The following ST8SIA6 variants were observed in gnomAD, a reference collection of about 807,000 sequenced individuals.
ST8SIA6 encodes the protein alpha-2,8-sialyltransferase 8F.
Under a neutral mutation model 33.6 loss-of-function variants are expected in ST8SIA6, and 39 were observed. That is an observed-to-expected ratio of 1.16 (90% CI 0.90 to 1.52). The LOEUF is 1.52. ST8SIA6 is among the 40% of genes most tolerant of loss of function. The pLI, the probability that ST8SIA6 is intolerant of heterozygous loss-of-function variation, is 0.00. For synonymous variants in ST8SIA6, 172 were observed against 167.2 expected, an observed-to-expected ratio of 1.03 and a Z score of -0.22; for missense variants, 441 against 443.8, an observed-to-expected ratio of 0.99 and a Z score of 0.06.
chr10:17,402,489 T>C (rs1227917679), intron 2 of ST8SIA6, among the ~76,000 whole-genome samples: 1 of 152,218 alleles, frequency 6.6e-6, no homozygotes, highest in Non-Finnish European at 1.5e-5. Context: ...CGTATGTTTA[T>C]TGTGGCACTA....
At chr10:17,361,465 A>T (rs1303257290) in intron 3 of ST8SIA6, among the ~76,000 whole-genome samples, 1 of 151,988 alleles carries the variant, frequency 6.6e-6, no homozygotes, top group Non-Finnish European at 1.5e-5. Context: ...TAACATAAAT[A>T]GTCCTATAGC....
chr10:17,390,442 A>T, intron 3 of ST8SIA6, 89 bp downstream of exon 3: 2 of 1,141,122 alleles, frequency 1.8e-6, no homozygotes, highest in Non-Finnish European at 2.6e-6. Flanking sequence ...ACAGTCTCAT[A>T]TTCCAAATGA....
chr10:17,351,825 CACTT>C (rs1220908550), intron 4 of ST8SIA6, among the ~76,000 whole-genome samples: 2 of 152,066 alleles, frequency 1.3e-5, no homozygotes, highest in African/African-American at 4.8e-5. Flanking sequence ...AGCATGGTCT[CACTT>C]ACATGTGGAA....
intron 2 of ST8SIA6, chr10:17,409,880 A>C (rs1564451153): frequency 1.3e-5 from 2 of 152,536 alleles, no homozygotes; most frequent in Non-Finnish European, 2.9e-5. Flanking sequence ...CATCACAAAC[A>C]AACAAACAAT....
At chr10:17,374,269 TAA>T (rs1319918954) in intron 3 of ST8SIA6, among the ~76,000 whole-genome samples, 6 of 152,160 alleles carry the variant, frequency 3.9e-5, no homozygotes, top group East Asian at 1.9e-4. Flanking sequence ...TCAAATAATT[TAA>T]GAGAGACTAT....
chr10:17,407,535 C>A (rs1851312286), intron 2 of ST8SIA6, among the ~76,000 whole-genome samples: 1 of 152,218 alleles, frequency 6.6e-6, no homozygotes, highest in African/African-American at 2.4e-5. Context: ...TAATTCTTTA[C>A]TCCATAAATA....
intron 2 of ST8SIA6, among the ~76,000 whole-genome samples, chr10:17,394,396 A>C (rs933727114): frequency 5.9e-5 from 9 of 151,696 alleles, no homozygotes; most frequent in African/African-American, 1.9e-4. Flanking sequence ...AAGGAATTTT[A>C]GGAATTTAAT....
At chr10:17,398,952 C>T (rs1850928342) in intron 2 of ST8SIA6, among the ~76,000 whole-genome samples, 1 of 152,162 alleles carries the variant, frequency 6.6e-6, no homozygotes, top group Admixed American at 6.5e-5. Context: ...ACACATACAC[C>T]ATGTAGTTTT....
rs535670883 is a variant in ST8SIA6 at position 17,390,608 on chromosome 10, A to G, written c.213T>C (p.Asn71=). The change falls in exon 3 of 8, where the codon AAT becomes AAC. Residue 71 remains asparagine, a synonymous_variant. Coordinates refer to ENST00000377602, the MANE Select transcript of ST8SIA6 (RefSeq NM_001004470.3). The part of the protein sequence containing the change: ...VPRATNSTYL[N]EKSLQLTEKC... ...TCTCCGTCAGTTGGAGCGACTTCTCATTCAGATATGTGCTGTTTCATGAAA... is the reference window on the plus strand; with the variant it reads ...TCTCCGTCAGTTGGAGCGACTTCTCGTTCAGATATGTGCTGTTTCATGAAA... The G allele has an allele frequency of 2.0e-5, 33 of 1,612,178 alleles. No homozygotes were observed. In the East Asian group the frequency reaches 6.9e-4, roughly 34 times the overall value.
chr10:17,373,475 T>C (rs2131634776), intron 3 of ST8SIA6, among the ~76,000 whole-genome samples: 1 of 152,318 alleles, frequency 6.6e-6, no homozygotes, highest in South Asian at 2.1e-4. Context: ...CAACCTGCTC[T>C]TCCTCTCTTT....
intron 7 of ST8SIA6, 51 bp downstream of exon 7, chr10:17,323,014 T>A (rs7085735): frequency 0.34 from 506,528 of 1,505,872 alleles, 92,048 homozygotes; most frequent in African/African-American, 0.65. Flanking sequence ...AGAAACATGT[T>A]GAACAATGAA....
intron 4 of ST8SIA6, among the ~76,000 whole-genome samples, chr10:17,359,037 C>T (rs1041257721): frequency 2.0e-5 from 3 of 152,166 alleles, no homozygotes; most frequent in African/African-American, 7.2e-5. Flanking sequence ...CAGTTGACAC[C>T]TCCTTCCTGG....
chr10:17,402,177 A>T (rs1252738015), intron 2 of ST8SIA6, among the ~76,000 whole-genome samples: 1 of 152,252 alleles, frequency 6.6e-6, no homozygotes, highest in Non-Finnish European at 1.5e-5. Flanking sequence ...CACATGAAAA[A>T]ATGCTCATCA....
intron 4 of ST8SIA6, among the ~76,000 whole-genome samples, chr10:17,351,109 A>G (rs1392732343): frequency 6.6e-6 from 1 of 151,912 alleles, no homozygotes; most frequent in Non-Finnish European, 1.5e-5. Context: ...CCCCCACCCC[A>G]GCATCTCTCT....
chr10:17,434,111 G>A (rs1852181185), intron 2 of ST8SIA6, among the ~76,000 whole-genome samples: 1 of 152,054 alleles, frequency 6.6e-6, no homozygotes, highest in African/African-American at 2.4e-5. Flanking sequence ...CATATCTCAA[G>A]GACAGCATTT....
chr10:17,440,178 G>A (rs61844070), intron 2 of ST8SIA6, among the ~76,000 whole-genome samples: 5,965 of 150,872 alleles, frequency 0.04, 171 homozygotes, highest in South Asian at 0.058. Context: ...TTTTGTAATA[G>A]TTTCTCAACT....
rs770975338 is a variant in ST8SIA6 at position 17,320,981 on chromosome 10, G to A, written c.1094C>T (p.Pro365Leu). Residue 365 changes from proline to leucine, a missense_variant, in exon 8 of 8, where the codon CCT becomes CTT. Physicochemically the swap from Pro to Leu is moderately conservative, Grantham distance 98. Transcript: ENST00000377602. ...GGGCATCTGATGGAAACCATGTTTA[G>A]GTAGCTTGTTGTCATAATAGTGATG... ...VSHHYYDNKL[P>L]KHGFHQMPKE... 2 of 1,614,092 alleles carry A rather than the reference G, an allele frequency of 1.2e-6. No individual in the cohort carries two copies.
At chr10:17,424,941 G>A (rs769087005) in intron 2 of ST8SIA6, among the ~76,000 whole-genome samples, 57 of 151,594 alleles carry the variant, frequency 3.8e-4, no homozygotes, top group Admixed American at 6.6e-4. Flanking sequence ...CTCCATGTTG[G>A]CCAGGCTGGT....
chr10:17,375,868 A>C (rs1849898217), intron 3 of ST8SIA6, among the ~76,000 whole-genome samples: 1 of 152,194 alleles, frequency 6.6e-6, no homozygotes, highest in Admixed American at 6.5e-5. Flanking sequence ...GTTTAAAAAA[A>C]AGTGTTTCTT....
Sources: allele counts gnomAD v4.1 joint callset (sites outside exome capture counted in the v4.1 genomes callset), GRCh38; gene constraint gnomAD v4.1.1; transcripts MANE v1.5; gene names NCBI Gene and HGNC (gene_info 2026-07-23, HGNC 2026-07-21).